RAPGEF6: variants seen among roughly 807,000 people sequenced by gnomAD.
RAPGEF6 encodes PDZ domain containing guanine nucleotide exchange factor (GEF) 2.
A neutral mutation model predicts 171.4 loss-of-function variants in RAPGEF6; 56 were observed. The observed-to-expected ratio is 0.33, with a 90% CI of 0.26 to 0.41. The LOEUF (loss-of-function observed/expected upper bound fraction) is 0.41. Ranked by LOEUF, RAPGEF6 falls within the 10% of genes least tolerant of loss-of-function variation. RAPGEF6 has a pLI of 1.00. For missense variants in RAPGEF6, 1,674 were observed against 1,921.4 expected (o/e 0.87, Z 2.41); for synonymous variants, 692 against 650.1 (o/e 1.06, Z -0.98).
chr5:131,629,079 A>G (rs1454547857), intron 1 of RAPGEF6, among the ~76,000 whole-genome samples: 1 of 152,306 alleles, frequency 6.6e-6, no homozygotes, highest in East Asian at 1.9e-4. Context: ...TATTTAAGAA[A>G]CACATTTCAT....
chr5:131,521,567 C>T, intron 6 of RAPGEF6, 46 bp from the exon 7 acceptor site: 5 of 1,555,736 alleles, frequency 3.2e-6, no homozygotes, highest in Non-Finnish European at 4.3e-6. Context: ...CAAGCTTTAC[C>T]TTTTTAAGCG....
chr5:131,508,875 AG>A (rs1223392502), intron 8 of RAPGEF6, among the ~76,000 whole-genome samples: 7 of 152,232 alleles, frequency 4.6e-5, no homozygotes, highest in African/African-American at 1.7e-4. Context: ...TTATGAAAAT[AG>A]TATAGTATAC....
At chr5:131,440,229 C>T (rs750619454) in intron 23 of RAPGEF6, 3 of 456,308 alleles carry the variant, frequency 6.6e-6, no homozygotes, top group South Asian at 3.1e-5. Context: ...TAAATTCACA[C>T]TACAGGAGAG....
intron 6 of RAPGEF6, among the ~76,000 whole-genome samples, chr5:131,541,811 A>C (rs1262947437): frequency 1.3e-5 from 2 of 152,250 alleles, no homozygotes; most frequent in African/African-American, 4.8e-5. Context: ...TTAAAGGGTA[A>C]GATAATAGTA....
intron 22 of RAPGEF6, among the ~76,000 whole-genome samples, chr5:131,445,373 G>T (rs1212302472): frequency 6.6e-6 from 1 of 151,946 alleles, no homozygotes. Flanking sequence ...AAATTACTAT[G>T]CAAATACCAT....
At chr5:131,589,788 C>G (rs1763481922) in intron 4 of RAPGEF6, among the ~76,000 whole-genome samples, 1 of 152,218 alleles carries the variant, frequency 6.6e-6, no homozygotes, top group South Asian at 2.1e-4. Flanking sequence ...CTGTCCCCAG[C>G]TTCAGGGGCC....
intron 15 of RAPGEF6, among the ~76,000 whole-genome samples, 184 bp downstream of exon 15, chr5:131,489,362 A>G (rs1580905967): frequency 6.6e-6 from 1 of 152,240 alleles, no homozygotes; most frequent in South Asian, 2.1e-4. Context: ...CAAAATAATT[A>G]AAAACATAAT....
chr5:131,604,808 T>C (rs1764455038), intron 1 of RAPGEF6, 115 bp from the exon 2 acceptor site: 2 of 1,274,344 alleles, frequency 1.6e-6, no homozygotes, highest in African/African-American at 1.5e-5. Context: ...CAGTTAACTA[T>C]GGAAAAATCA....
intron 1 of RAPGEF6, among the ~76,000 whole-genome samples, chr5:131,625,222 A>G (rs1222799189): frequency 6.6e-6 from 1 of 152,200 alleles, no homozygotes. Context: ...AGATTGTGCC[A>G]CTGCACTCCA....
At chr5:131,474,914 G>A (rs2149850541) in intron 16 of RAPGEF6, among the ~76,000 whole-genome samples, 1 of 152,244 alleles carries the variant, frequency 6.6e-6, no homozygotes, top group African/African-American at 2.4e-5. Flanking sequence ...TAATTAAGTA[G>A]AAGCAACTTT....
At chr5:131,526,833 C>A (rs971557022) in intron 6 of RAPGEF6, among the ~76,000 whole-genome samples, 5 of 152,176 alleles carry the variant, frequency 3.3e-5, no homozygotes, top group Non-Finnish European at 4.4e-5. Flanking sequence ...CACATGTCCA[C>A]AAGGCCTACT....
At chr5:131,558,193 G>C (rs1030939885) in intron 5 of RAPGEF6, among the ~76,000 whole-genome samples, 4 of 146,748 alleles carry the variant, frequency 2.7e-5, no homozygotes, top group African/African-American at 1.0e-4. Context: ...CAGATCTTCT[G>C]TTTGTGTGTG....
In RAPGEF6 at chr5:131,428,929, CATCTCCT is replaced by C; in HGVS notation, c.4746_4752del (p.Gly1583Ter). 6.2e-7 allele frequency: 1 copy of C among 1,614,076 alleles called. No homozygotes were observed. Among genetic ancestry groups the C allele is most frequent in the Non-Finnish European group, 8.5e-7 (1 of 1,179,900 alleles). On this transcript the variant is annotated frameshift_variant, in exon 27 of 28. Transcript: ENST00000509018. LOFTEE classifies it high-confidence loss of function. ...TCTGCTTCGCTATCTGCATCAGTCA[CATCTCCT>C]AGTTTAGGATGGAATGGCTGCAAAT...
intron 1 of RAPGEF6, among the ~76,000 whole-genome samples, chr5:131,616,087 G>C (rs973323578): frequency 5.9e-5 from 9 of 151,974 alleles, no homozygotes; most frequent in African/African-American, 2.2e-4. Context: ...TAAAATAATG[G>C]GTTCTACCTA....
At chr5:131,531,453 T>C (rs972067517) in intron 6 of RAPGEF6, among the ~76,000 whole-genome samples, 9 of 152,212 alleles carry the variant, frequency 5.9e-5, no homozygotes, top group African/African-American at 1.7e-4. Flanking sequence ...TGGAAGGTTG[T>C]ATAGCACTTT....
intron 6 of RAPGEF6, among the ~76,000 whole-genome samples, chr5:131,546,608 A>T (rs1760556184): frequency 6.6e-6 from 1 of 152,146 alleles, no homozygotes; most frequent in Non-Finnish European, 1.5e-5. Flanking sequence ...CATCTCAAAA[A>T]AAAAAAATAA....
At chr5:131,455,689 AG>A (rs1409276179) in intron 20 of RAPGEF6, 111 bp downstream of exon 20, 4 of 847,916 alleles carry the variant, frequency 4.7e-6, no homozygotes, top group Non-Finnish European at 7.4e-6. Flanking sequence ...ATGGTAAAAT[AG>A]TGTATAGTTA....
chr5:131,525,159 C>T (rs10041744), intron 6 of RAPGEF6, among the ~76,000 whole-genome samples: 117,147 of 151,932 alleles, frequency 0.77, 45,408 homozygotes, highest in Middle Eastern at 0.82. Flanking sequence ...ATAAAAGATA[C>T]GAACATAATT....
intron 1 of RAPGEF6, among the ~76,000 whole-genome samples, chr5:131,617,021 A>T (rs1248785434): frequency 5.9e-5 from 9 of 152,350 alleles, no homozygotes; most frequent in African/African-American, 1.9e-4. Context: ...AACAAAGAAA[A>T]ATGTCCCAGG....
Sources: allele counts gnomAD v4.1 joint callset (sites outside exome capture counted in the v4.1 genomes callset), GRCh38; gene constraint gnomAD v4.1.1; transcripts MANE v1.5; gene names NCBI Gene and HGNC (gene_info 2026-07-23, HGNC 2026-07-21).